The following TMEM175 variants were observed in gnomAD, a reference collection of about 807,000 sequenced individuals.
TMEM175 encodes transmembrane protein 175, also known as endosomal/lysosomal proton channel TMEM175.
In TMEM175, 36 loss-of-function variants were observed where a neutral mutation model predicts 36.5. The observed-to-expected ratio is 0.99, with a 90% CI of 0.76 to 1.30. The LOEUF (loss-of-function observed/expected upper bound fraction) is 1.30. Ranked by LOEUF, TMEM175 falls within the 50% of genes most tolerant of loss-of-function variation. The probability of loss-of-function intolerance (pLI) is 0.00; values close to 1 mark genes in which losing one functional copy is unlikely to be tolerated. For synonymous variants in TMEM175, 339 were observed against 313.4 expected (o/e 1.08, Z -0.86); for missense variants, 705 against 692.8 (o/e 1.02, Z -0.20).
At chr4:951,387 C>G in intron 5 of TMEM175, 129 bp downstream of exon 5, 1 of 1,066,318 alleles carries the variant, frequency 9.4e-7, no homozygotes, top group African/African-American at 1.6e-5. Context: ...AATCTGTCCA[C>G]AGCTGGGAGC....
intron 10 of TMEM175, chr4:956,491 G>T: frequency 1.6e-6 from 2 of 1,262,842 alleles, no homozygotes; most frequent in Non-Finnish European, 1.0e-6. Context: ...CGCCCAGGCT[G>T]GAGTATAGTG....
At chr4:948,015 TAGGGGGGCCC>T (rs1197159342) in intron 2 of TMEM175, 91 bp from the exon 3 acceptor site, 1 of 1,609,098 alleles carries the variant, frequency 6.2e-7, no homozygotes, top group African/African-American at 1.3e-5. Flanking sequence ...TCAGGCAGCT[TAGGGGGGCCC>T]AGCACTGCCC....
At position 938,092 on chromosome 4, in the gene TMEM175, A is replaced by G. The variant is rs113323181; in HGVS notation, c.-32+5552A>G. ...ACCTGCAGCTAGCATCATATGAAAT[A>G]ATAAAAGACTGAATGTTTTCCCCCT... On this transcript the variant is annotated intron_variant, in intron 1 of 10. Transcript: ENST00000264771. Among the ~76,000 whole-genome samples the G allele has an allele frequency of 6.6e-5, 10 of 152,350 alleles. 1 individual carries two copies. The highest frequency in any genetic ancestry group is 2.4e-4 in the African/African-American group (10 of 41,584).
In TMEM175 at chr4:940,440, C is replaced by T. The variant is rs1258794209; in HGVS notation, c.-31-7269C>T. Among the ~76,000 whole-genome samples the T allele has an allele frequency of 2.7e-5, 3 of 111,502 alleles. No individual in the cohort carries two copies. The East Asian group carries it at 7.8e-4, about 29-fold the overall frequency. 73.1% of individuals were successfully genotyped at this position (111,502 alleles called of 152,430 possible). ...TCCAGCCTGGGCAGCAAGAGTGAAA[C>T]TCGATCTCAAAAAAAAAAAAAAAAA... On this transcript the variant is annotated intron_variant, in intron 1 of 10. Coordinates refer to ENST00000264771, the MANE Select transcript of TMEM175 (RefSeq NM_032326.4).
chr4:934,030 G>A (rs559479122), intron 1 of TMEM175, among the ~76,000 whole-genome samples: 1 of 152,366 alleles, frequency 6.6e-6, no homozygotes, highest in East Asian at 1.9e-4. Context: ...TTTGGGATGA[G>A]AAAATATGCT....
chr4:948,241 T>G (rs771580681), intron 3 of TMEM175, 87 bp downstream of exon 3: 1 of 1,610,686 alleles, frequency 6.2e-7, no homozygotes, highest in African/African-American at 1.3e-5. Flanking sequence ...GTGCTGACCC[T>G]GCACGCCTCG....
At position 958,017 on chromosome 4, in the gene TMEM175, ACGCT is replaced by A. The variant is rs774136292; in HGVS notation, c.1038_1041del (p.Leu347ArgfsTer10). ...CACGCGGGCCATGGGGCTGCTGAAC[ACGCT>A]CTCGCTGGCCTTCGTGGGTGGCCTC... On this transcript the variant is annotated frameshift_variant, in exon 11 of 11. Transcript: ENST00000264771. LOFTEE classifies it low-confidence loss of function (END_TRUNC). The A allele has an allele frequency of 3.1e-6, 5 of 1,612,172 alleles. No individual in the cohort carries two copies. In the South Asian group the frequency reaches 5.5e-5, roughly 18 times the overall value.
intron 1 of TMEM175, among the ~76,000 whole-genome samples, chr4:946,603 GTCTCTTCTGTCCAGAGTAC>G (rs1728173781): frequency 6.6e-6 from 1 of 152,194 alleles, no homozygotes; most frequent in Non-Finnish European, 1.5e-5. Context: ...AGGCGCTGGG[GTCTCTTCTGTCCAGAGTAC>G]TCTCCACCTG....
chr4:948,332 C>T (rs1728448660), intron 3 of TMEM175, 178 bp downstream of exon 3: 3 of 1,540,326 alleles, frequency 1.9e-6, no homozygotes, highest in Admixed American at 3.9e-5. Context: ...CCTGCTCAGC[C>T]TGTGCTCACC....
At chr4:936,817 C>A (rs1355982838) in intron 1 of TMEM175, among the ~76,000 whole-genome samples, 1 of 152,240 alleles carries the variant, frequency 6.6e-6, no homozygotes, top group Non-Finnish European at 1.5e-5. Flanking sequence ...ATTAGCTGCG[C>A]ATGGTGGCAT....
rs938272359 is a variant in TMEM175 at position 953,264 on chromosome 4, T to C, written c.537T>C (p.Ala179=). 10 of 1,613,978 alleles carry C rather than the reference T, an allele frequency of 6.2e-6. No homozygotes were observed. The highest frequency in any genetic ancestry group is 8.5e-6 in the Non-Finnish European group (10 of 1,179,998). The change falls in exon 8 of 11, where the codon GCT becomes GCC. Residue 179 remains alanine, a synonymous_variant. Transcript: ENST00000264771. ...SPQIQRSAHR[A]LYRRHVLGIV... The stretch of plus-strand genomic sequence containing the variant: ...AGATCCAGCGCTCTGCCCACAGGGC[T>C]CTGTACCGACGACACGTCCTGGGCA...
intron 1 of TMEM175, among the ~76,000 whole-genome samples, chr4:941,882 T>C (rs1727556509): frequency 1.3e-5 from 2 of 151,974 alleles, no homozygotes; most frequent in Admixed American, 1.3e-4. Flanking sequence ...ATAGACCCCA[T>C]GTCTTTATAA....
chr4:945,468 C>T (rs1004051339), intron 1 of TMEM175, among the ~76,000 whole-genome samples: 3 of 152,182 alleles, frequency 2.0e-5, no homozygotes, highest in African/African-American at 7.2e-5. Flanking sequence ...ACGCCCACCA[C>T]CCTGGCTGGC....
Position 948,038 on chromosome 4 carries a change from G to T in TMEM175, c.154-78G>T, listed in dbSNP as rs375531195. 78 of 1,611,990 alleles carry T rather than the reference G, an allele frequency of 4.8e-5. No individual in the cohort carries two copies. In the East Asian group the frequency reaches 7.1e-4, roughly 15 times the overall value. ...CTTAGGGGGGCCCAGCACTGCCCTCGAGTCCCCAGTACTGCCACACCCAAT... is the reference window on the plus strand; with the variant it reads ...CTTAGGGGGGCCCAGCACTGCCCTCTAGTCCCCAGTACTGCCACACCCAAT... On this transcript the variant is annotated intron_variant, in intron 2 of 10. Coordinates refer to ENST00000264771, the MANE Select transcript of TMEM175 (RefSeq NM_032326.4).
At position 942,832 on chromosome 4, in the gene TMEM175, G is replaced by T. The variant is rs185393814; in HGVS notation, c.-31-4877G>T. Among the ~76,000 whole-genome samples the T allele has an allele frequency of 2.4e-4, 36 of 151,956 alleles. No homozygotes were observed. The East Asian group carries it at 7.0e-3, about 30-fold the overall frequency. ...TTTTTGTATTTTTAGTAGAGATGGG[G>T]TTTTGCCATGTTGGCCAGGCTGGTC... On this transcript the variant is annotated intron_variant, in intron 1 of 10. Coordinates refer to ENST00000264771, the MANE Select transcript of TMEM175 (RefSeq NM_032326.4).
At chr4:937,191 A>T (rs1426850220) in intron 1 of TMEM175, among the ~76,000 whole-genome samples, 2 of 152,226 alleles carry the variant, frequency 1.3e-5, no homozygotes, top group African/African-American at 4.8e-5. Context: ...AAATTTTTTA[A>T]GAAGGGAATA....
chr4:953,439 G>A, intron 8 of TMEM175, 85 bp downstream of exon 8: 4 of 1,474,396 alleles, frequency 2.7e-6, no homozygotes, highest in Non-Finnish European at 3.6e-6. Context: ...CAAACACGGG[G>A]GTGGGGGCAG....
At chr4:933,473 C>CA in intron 1 of TMEM175, among the ~76,000 whole-genome samples, 1 of 151,876 alleles carries the variant, frequency 6.6e-6, no homozygotes, top group Non-Finnish European at 1.5e-5. Flanking sequence ...GACTCCGCCT[C>CA]AAAAAATAAA....
chr4:945,690 C>A (rs1307844071), intron 1 of TMEM175, among the ~76,000 whole-genome samples: 3 of 152,144 alleles, frequency 2.0e-5, no homozygotes, highest in African/African-American at 7.2e-5. Context: ...ATATTTCAGT[C>A]CCCTGATGCC....
Sources: gnomAD v4.1 joint callset for allele counts (sites outside exome capture counted in the v4.1 genomes callset) on GRCh38, gnomAD v4.1.1 for gene constraint, MANE v1.5 for transcripts, NCBI Gene and HGNC (gene_info 2026-07-23, HGNC 2026-07-21) for gene names.